The following SLCO5A1 variants were observed in gnomAD, a reference collection of about 807,000 sequenced individuals.
The protein encoded by SLCO5A1 is solute carrier organic anion transporter family member 5A1.
A neutral mutation model predicts 65.1 loss-of-function variants in SLCO5A1; 39 were observed. The observed-to-expected ratio is 0.60, with a 90% CI of 0.46 to 0.78. The LOEUF (loss-of-function observed/expected upper bound fraction) is 0.78, where lower values mean the gene tolerates loss of function less well. SLCO5A1 is among the 30% of genes least tolerant of loss of function. The probability of loss-of-function intolerance (pLI) is 0.00; values close to 1 mark genes in which losing one functional copy is unlikely to be tolerated. For synonymous variants in SLCO5A1, 438 were observed against 415.7 expected, an observed-to-expected ratio of 1.05 and a Z score of -0.65; for missense variants, 1,029 against 1,069.4, an observed-to-expected ratio of 0.96 and a Z score of 0.53.
chr8:69,748,918 A>G (rs1817157016), intron 4 of SLCO5A1, among the ~76,000 whole-genome samples: 1 of 152,162 alleles, frequency 6.6e-6, no homozygotes, highest in African/African-American at 2.4e-5. Context: ...CCAATGATCC[A>G]AAGAAAGGGG....
At chr8:69,826,401 C>T (rs1820916469) in intron 2 of SLCO5A1, among the ~76,000 whole-genome samples, 1 of 150,354 alleles carries the variant, frequency 6.7e-6, no homozygotes, top group Non-Finnish European at 1.5e-5. Context: ...GGCTAATATC[C>T]AGAATCTACA....
At chr8:69,751,837 G>A (rs1817316296) in intron 4 of SLCO5A1, among the ~76,000 whole-genome samples, 1 of 152,122 alleles carries the variant, frequency 6.6e-6, no homozygotes, top group Non-Finnish European at 1.5e-5. Flanking sequence ...ATAAGCCACT[G>A]CACCTGGCCA....
chr8:69,827,239 T>A (rs1820962478), intron 2 of SLCO5A1, among the ~76,000 whole-genome samples: 1 of 151,780 alleles, frequency 6.6e-6, no homozygotes, highest in African/African-American at 2.4e-5. Context: ...ATGGCACATG[T>A]ATACATATGT....
At chr8:69,770,531 C>T (rs1818275433) in intron 2 of SLCO5A1, among the ~76,000 whole-genome samples, 1 of 152,116 alleles carries the variant, frequency 6.6e-6, no homozygotes, top group Non-Finnish European at 1.5e-5. Flanking sequence ...CCGCCCCTGT[C>T]GCAAATCCAT....
intron 2 of SLCO5A1, among the ~76,000 whole-genome samples, chr8:69,768,704 G>T (rs1818184514): frequency 6.6e-6 from 1 of 152,084 alleles, no homozygotes; most frequent in Non-Finnish European, 1.5e-5. Context: ...TCATAGATTA[G>T]GGACCAGGCA....
chr8:69,772,786 T>G (rs1818389554), intron 2 of SLCO5A1: 1 of 276,688 alleles, frequency 3.6e-6, no homozygotes, highest in Non-Finnish European at 5.5e-6. Context: ...TTCCTGGCCT[T>G]ATGCCCTAAA....
intron 2 of SLCO5A1, among the ~76,000 whole-genome samples, chr8:69,787,344 T>C (rs1389431292): frequency 6.6e-6 from 1 of 152,248 alleles, no homozygotes; most frequent in African/African-American, 2.4e-5. Context: ...GTCCGGCCAC[T>C]GACCCGAAAG....
intron 5 of SLCO5A1, among the ~76,000 whole-genome samples, chr8:69,709,240 G>GT: frequency 6.6e-6 from 1 of 152,312 alleles, no homozygotes; most frequent in South Asian, 2.1e-4. Flanking sequence ...CTAGGATGCA[G>GT]AGAGGACTTA....
At chr8:69,701,543 C>T (rs772350567) in intron 6 of SLCO5A1, among the ~76,000 whole-genome samples, 1 of 152,206 alleles carries the variant, frequency 6.6e-6, no homozygotes, top group Non-Finnish European at 1.5e-5. Context: ...CTCCACAGTC[C>T]TTTATCCTAA....
At chr8:69,760,280 C>A (rs1049490909) in intron 3 of SLCO5A1, among the ~76,000 whole-genome samples, 2 of 152,148 alleles carry the variant, frequency 1.3e-5, no homozygotes, top group Admixed American at 1.3e-4. Flanking sequence ...ACTTAAAACT[C>A]CTGTGTTATT....
At chr8:69,674,708 G>A (rs1308387835) in intron 9 of SLCO5A1, among the ~76,000 whole-genome samples, 1 of 151,940 alleles carries the variant, frequency 6.6e-6, no homozygotes, top group Non-Finnish European at 1.5e-5. Flanking sequence ...TCAGAGAGGG[G>A]CAAAGCAAAA....
chr8:69,724,784 A>G (rs1259761138), intron 5 of SLCO5A1, among the ~76,000 whole-genome samples: 1 of 152,196 alleles, frequency 6.6e-6, no homozygotes, highest in Non-Finnish European at 1.5e-5. Context: ...AGTAAACAGA[A>G]AGCATCTCTG....
chr8:69,824,559 C>G (rs1358976035), intron 2 of SLCO5A1, among the ~76,000 whole-genome samples: 3 of 152,150 alleles, frequency 2.0e-5, no homozygotes, highest in Non-Finnish European at 4.4e-5. Context: ...CACATACACC[C>G]TCCCAAGACT....
Position 69,674,861 on chromosome 8 carries a change from A to G in SLCO5A1, c.2090-1535T>C, listed in dbSNP as rs553269108. 3.4e-4 allele frequency among the ~76,000 whole-genome samples: 16 copies of G among 47,552 alleles called. No homozygotes were observed. In the Admixed American group the frequency reaches 3.7e-3, roughly 11 times the overall value. 31.2% of individuals were successfully genotyped at this position (47,552 alleles called of 152,430 possible). A position where few individuals can be genotyped will look rare whatever the true frequency, so the allele number is the denominator to read the frequency against. ...CATGGTGAAACCCCATCTCTACTAA[A>G]AAAAAAAACAAAAAAAAAAAATGCA... On this transcript the variant is annotated intron_variant, in intron 9 of 9. Coordinates refer to ENST00000260126, the MANE Select transcript of SLCO5A1 (RefSeq NM_030958.3).
intron 2 of SLCO5A1, among the ~76,000 whole-genome samples, chr8:69,773,215 G>C (rs1426540956): frequency 6.6e-6 from 1 of 152,202 alleles, no homozygotes; most frequent in African/African-American, 2.4e-5. Flanking sequence ...CTGCATGCAG[G>C]CTGCCAGTCC....
intron 6 of SLCO5A1, among the ~76,000 whole-genome samples, chr8:69,682,603 C>T (rs1586677606): frequency 6.6e-6 from 1 of 152,218 alleles, no homozygotes; most frequent in African/African-American, 2.4e-5. Context: ...CACCCTCCCT[C>T]TTGGTGCTAT....
chr8:69,691,565 T>C (rs1316986117), intron 6 of SLCO5A1, among the ~76,000 whole-genome samples: 1 of 152,248 alleles, frequency 6.6e-6, no homozygotes, highest in Non-Finnish European at 1.5e-5. Context: ...TTGACTCTTT[T>C]AGATACCTCA....
intron 2 of SLCO5A1, among the ~76,000 whole-genome samples, chr8:69,762,161 T>TTTTGAGA (rs1302102016): frequency 7.2e-6 from 1 of 138,012 alleles, no homozygotes; most frequent in Admixed American, 7.5e-5. Context: ...TTTCTTTCTT[T>TTTTGAGA]CTTTCTTTCT....
chr8:69,830,377 G>A (rs1821107026), intron 2 of SLCO5A1, among the ~76,000 whole-genome samples: 1 of 151,992 alleles, frequency 6.6e-6, no homozygotes, highest in African/African-American at 2.4e-5. Context: ...ATTTTTTTAA[G>A]AGATGGGGTC....
Sources: allele counts gnomAD v4.1 joint callset (sites outside exome capture counted in the v4.1 genomes callset), GRCh38; gene constraint gnomAD v4.1.1; transcripts MANE v1.5; gene names NCBI Gene and HGNC (gene_info 2026-07-23, HGNC 2026-07-21).